Variants in MAPK10 observed in about 807,000 individuals in gnomAD.
MAPK10 encodes the protein JNK3 alpha protein kinase.
A neutral mutation model predicts 59.3 loss-of-function variants in MAPK10; 25 were observed. That is an observed-to-expected ratio of 0.42 (90% CI 0.31 to 0.59). The LOEUF is 0.59. MAPK10 is among the 20% of genes least tolerant of loss of function. The probability of loss-of-function intolerance (pLI) is 0.15; values close to 1 mark genes in which losing one functional copy is unlikely to be tolerated. For missense variants in MAPK10, 351 were observed against 568.9 expected (o/e 0.62, Z 3.90); for synonymous variants, 190 against 200.5 (o/e 0.95, Z 0.44).
chr4:86,395,288 T>TA (rs1742765307), intron 1 of MAPK10, among the ~76,000 whole-genome samples: 1 of 152,194 alleles, frequency 6.6e-6, no homozygotes, highest in East Asian at 1.9e-4. Context: ...TGCCTTATAT[T>TA]TGGACAACTA....
intron 2 of MAPK10, among the ~76,000 whole-genome samples, chr4:86,298,800 G>A (rs902619325): frequency 1.3e-5 from 2 of 151,898 alleles, no homozygotes; most frequent in Admixed American, 1.3e-4. Flanking sequence ...CTTTTTCCTT[G>A]TACTCAAATT....
intron 9 of MAPK10, among the ~76,000 whole-genome samples, chr4:86,068,431 A>T (rs544420736): frequency 9.9e-5 from 15 of 152,104 alleles, no homozygotes; most frequent in Non-Finnish European, 2.2e-4. Flanking sequence ...TATCTTTAAG[A>T]TATTTTTTCT....
chr4:86,544,483 T>C (rs1758987343), intron 1 of MAPK10, among the ~76,000 whole-genome samples: 1 of 152,218 alleles, frequency 6.6e-6, no homozygotes, highest in South Asian at 2.1e-4. Context: ...TAGTCATTTC[T>C]CTCTCTTTCT....
intron 1 of MAPK10, among the ~76,000 whole-genome samples, chr4:86,459,705 G>T (rs2149060531): frequency 6.6e-6 from 1 of 152,288 alleles, no homozygotes; most frequent in East Asian, 1.9e-4. Context: ...ATATGTGGGA[G>T]CTAAGCTATG....
rs530007774 is a variant in MAPK10 at position 86,270,845 on chromosome 4, G to A, written c.-6-76438C>T. Among the ~76,000 whole-genome samples, 13 of 152,074 alleles carry A rather than the reference G, an allele frequency of 8.5e-5. No individual in the cohort carries two copies. The South Asian group carries it at 1.9e-3, about 22-fold the overall frequency. Reference sequence around the variant, plus strand: ...TTGAGATTCATGCATGTTGCAGATCGCATTAATAGTTGATGAAATATTTTT... The same window carrying A: ...TTGAGATTCATGCATGTTGCAGATCACATTAATAGTTGATGAAATATTTTT... On this transcript the variant is annotated intron_variant, in intron 2 of 13. Transcript: ENST00000641462.
At chr4:86,327,173 C>T (rs1279575670) in intron 2 of MAPK10, 1 of 149,676 alleles carries the variant, frequency 6.7e-6, no homozygotes, top group Admixed American at 6.7e-5. Flanking sequence ...AGAGGACTCA[C>T]TATGTTGCCC....
In MAPK10 at chr4:86,525,335, G is replaced by T. The variant is rs1757400279; in HGVS notation, c.-263+68575C>A. ...ATAAGAAAAAGAAAACGAAACACAAGCAAATACAGAGTGCTAAAATTCAAT... is the reference window on the plus strand; with the variant it reads ...ATAAGAAAAAGAAAACGAAACACAATCAAATACAGAGTGCTAAAATTCAAT... On this transcript the variant is annotated intron_variant, in intron 1 of 4. Transcript: ENST00000502302. Among the ~76,000 whole-genome samples, 3 of 152,148 alleles carry T rather than the reference G, an allele frequency of 2.0e-5. No individual in the cohort carries two copies. In the South Asian group the frequency reaches 6.2e-4, roughly 32 times the overall value.
At chr4:86,114,225 C>T (rs1279055880) in intron 4 of MAPK10, among the ~76,000 whole-genome samples, 1 of 152,200 alleles carries the variant, frequency 6.6e-6, no homozygotes, top group Admixed American at 6.5e-5. Flanking sequence ...TCAATTCATC[C>T]ATTGCAGTCT....
chr4:86,025,276 TTAGATGAAAACTA>T (rs1273981487), intron 13 of MAPK10: 1 of 377,630 alleles, frequency 2.6e-6, no homozygotes, highest in Non-Finnish European at 4.7e-6. Flanking sequence ...TCCACCACTA[TTAGATGAAAACTA>T]TTTGCTTCTG....
intron 1 of MAPK10, among the ~76,000 whole-genome samples, chr4:86,449,128 C>A (rs1750402113): frequency 6.6e-6 from 1 of 152,106 alleles, no homozygotes; most frequent in African/African-American, 2.4e-5. Flanking sequence ...TCCTGCTGTG[C>A]AGCCTAGTTC....
intron 1 of MAPK10, among the ~76,000 whole-genome samples, chr4:86,575,860 A>G (rs1179958872): frequency 6.6e-6 from 1 of 151,584 alleles, no homozygotes; most frequent in East Asian, 2.0e-4. Flanking sequence ...TTTGAGGGAA[A>G]CCTCTAACAT....
intron 1 of MAPK10, among the ~76,000 whole-genome samples, chr4:86,589,040 A>C (rs55757426): frequency 0.28 from 42,870 of 152,034 alleles, 6,486 homozygotes; most frequent in Admixed American, 0.34. Context: ...GTGGGGACAA[A>C]GGGGTCGCTG....
At chr4:86,020,323 T>C (rs1324427085) in intron 13 of MAPK10, 1 of 152,280 alleles carries the variant, frequency 6.6e-6, no homozygotes, top group East Asian at 1.9e-4. Flanking sequence ...GTTTATTTAT[T>C]AGTTGATAGG....
chr4:86,405,313 A>G (rs923349408), intron 1 of MAPK10, among the ~76,000 whole-genome samples: 4 of 152,208 alleles, frequency 2.6e-5, no homozygotes, highest in African/African-American at 7.2e-5. Flanking sequence ...AATTTACTGT[A>G]TAATATGCTA....
intron 2 of MAPK10, among the ~76,000 whole-genome samples, chr4:86,278,846 T>C (rs2094686778): frequency 6.6e-6 from 1 of 151,984 alleles, no homozygotes; most frequent in Non-Finnish European, 1.5e-5. Flanking sequence ...CCTGAACAAA[T>C]GTTAAAAGTC....
At chr4:86,247,480 A>G (rs1301775589) in intron 2 of MAPK10, among the ~76,000 whole-genome samples, 5 of 152,216 alleles carry the variant, frequency 3.3e-5, no homozygotes, top group Non-Finnish European at 7.3e-5. Context: ...ACAAAGATTT[A>G]TTGAGCACTT....
At chr4:86,379,834 C>T (rs1440057605) in intron 1 of MAPK10, among the ~76,000 whole-genome samples, 1 of 152,196 alleles carries the variant, frequency 6.6e-6, no homozygotes, top group East Asian at 1.9e-4. Flanking sequence ...CCCCTGATTT[C>T]CCACTCCACA....
At chr4:86,064,174 T>C in intron 11 of MAPK10, 92 bp downstream of exon 11, 3 of 1,451,300 alleles carry the variant, frequency 2.1e-6, no homozygotes, top group Non-Finnish European at 2.8e-6. Flanking sequence ...TAAAAATCCA[T>C]TGTGCATTCT....
intron 13 of MAPK10, among the ~76,000 whole-genome samples, chr4:86,022,856 T>G (rs1005308317): frequency 6.6e-6 from 1 of 152,238 alleles, no homozygotes; most frequent in African/African-American, 2.4e-5. Flanking sequence ...TAATGAGATA[T>G]GTATTTTCAA....
Sources: allele counts gnomAD v4.1 joint callset (sites outside exome capture counted in the v4.1 genomes callset), GRCh38; gene constraint gnomAD v4.1.1; transcripts MANE v1.5; gene names NCBI Gene and HGNC (gene_info 2026-07-23, HGNC 2026-07-21).